The following SLC44A1 variants were observed in gnomAD, a reference collection of about 807,000 sequenced individuals.
SLC44A1 encodes solute carrier family 44 member 1.
A neutral mutation model predicts 79.3 loss-of-function variants in SLC44A1; 26 were observed. That is an observed-to-expected ratio of 0.33 (90% CI 0.24 to 0.46). The LOEUF (loss-of-function observed/expected upper bound fraction) is 0.46. Ranked by LOEUF, SLC44A1 falls within the 20% of genes least tolerant of loss-of-function variation. SLC44A1 has a pLI of 1.00. For synonymous variants in SLC44A1, 263 were observed against 286.2 expected (o/e 0.92, Z 0.82); for missense variants, 688 against 798.1 (o/e 0.86, Z 1.66).
intron 15 of SLC44A1, among the ~76,000 whole-genome samples, chr9:105,415,374 C>G (rs1409858864): frequency 6.6e-6 from 1 of 152,234 alleles, no homozygotes. Context: ...AGCCAGCAGA[C>G]AGAAATCTGC....
At chr9:105,246,627 T>G (rs1259194793) in intron 1 of SLC44A1, among the ~76,000 whole-genome samples, 1 of 152,200 alleles carries the variant, frequency 6.6e-6, no homozygotes, top group East Asian at 1.9e-4. Flanking sequence ...TCTTTAATAT[T>G]TACTTAAGTA....
intron 3 of SLC44A1, among the ~76,000 whole-genome samples, chr9:105,324,128 A>G (rs34659648): frequency 0.074 from 11,289 of 151,896 alleles, 464 homozygotes; most frequent in Middle Eastern, 0.1. Context: ...CAGCCTCCCG[A>G]GTAGCTGGGA....
chr9:105,340,943 A>C (rs149439993), intron 4 of SLC44A1, among the ~76,000 whole-genome samples: 1 of 152,234 alleles, frequency 6.6e-6, no homozygotes, highest in Middle Eastern at 3.2e-3. Context: ...AAGTATGACT[A>C]CAATAGACAG....
intron 1 of SLC44A1, among the ~76,000 whole-genome samples, chr9:105,275,417 A>T (rs1253028519): frequency 6.6e-6 from 1 of 152,160 alleles, no homozygotes; most frequent in African/African-American, 2.4e-5. Context: ...TGTTGGTCAT[A>T]TTTTGCTTTC....
chr9:105,262,697 A>G (rs1222800393), intron 1 of SLC44A1, among the ~76,000 whole-genome samples: 1 of 152,200 alleles, frequency 6.6e-6, no homozygotes, highest in Non-Finnish European at 1.5e-5. Context: ...AACTGGGCAC[A>G]GTGACCTGTT....
rs142916478 is a variant in SLC44A1, at chr9:105,406,681, G to A, written c.1950+21179G>A. Among the ~76,000 whole-genome samples the A allele has an allele frequency of 1.7e-3, 257 of 152,274 alleles. 1 individual carries two copies. Among genetic ancestry groups the A allele is most frequent in the African/African-American group, 4.4e-3 (181 of 41,556 alleles). On this transcript the variant is annotated intron_variant, in intron 15 of 15. Transcript: ENST00000374724. The stretch of plus-strand genomic sequence containing the variant: ...TCCTTGAGCCCACGAGTTCAAGGCC[G>A]CAGTGAGCTGAGATTGAGCCACTGC...
At chr9:105,290,615 A>G (rs1395149076) in intron 1 of SLC44A1, among the ~76,000 whole-genome samples, 2 of 152,274 alleles carry the variant, frequency 1.3e-5, no homozygotes, top group African/African-American at 2.4e-5. Context: ...TATGCAAGAA[A>G]GACAGTCATT....
At chr9:105,279,154 G>A (rs1384048922) in intron 1 of SLC44A1, among the ~76,000 whole-genome samples, 4 of 144,960 alleles carry the variant, frequency 2.8e-5, no homozygotes, top group African/African-American at 7.8e-5. Context: ...AGCTGAGATC[G>A]CACCACTGCA....
intron 13 of SLC44A1, among the ~76,000 whole-genome samples, chr9:105,380,889 T>C (rs891879414): frequency 7.2e-5 from 11 of 152,210 alleles, no homozygotes; most frequent in East Asian, 1.9e-4. Flanking sequence ...ATCTGCATTC[T>C]TAGCCTTTCT....
chr9:105,328,973 G>T (rs1050934503), intron 3 of SLC44A1, among the ~76,000 whole-genome samples: 2 of 152,232 alleles, frequency 1.3e-5, no homozygotes, highest in Non-Finnish European at 2.9e-5. Flanking sequence ...GGGGGCATTT[G>T]GGTCCCACCC....
chr9:105,318,995 T>C (rs1159448654), intron 3 of SLC44A1, among the ~76,000 whole-genome samples: 1 of 152,172 alleles, frequency 6.6e-6, no homozygotes, highest in Non-Finnish European at 1.5e-5. Context: ...TTACAAGCTT[T>C]AGTCATTGTT....
intron 12 of SLC44A1, 50 bp downstream of exon 12, chr9:105,366,479 A>G: frequency 3.7e-6 from 3 of 815,850 alleles, no homozygotes; most frequent in Non-Finnish European, 5.6e-6. Context: ...AGATAGGTTC[A>G]TTGTTTCTTC....
chr9:105,357,754 TAGAC>T (rs1025156930), intron 6 of SLC44A1, among the ~76,000 whole-genome samples: 1 of 152,128 alleles, frequency 6.6e-6, no homozygotes, highest in Non-Finnish European at 1.5e-5. Flanking sequence ...GTTGAGAAAT[TAGAC>T]AGAGGAAATT....
At position 105,273,203 on chromosome 9, in the gene SLC44A1, G is replaced by A. The variant is rs571299296; in HGVS notation, c.37-26017G>A. On this transcript the variant is annotated intron_variant, in intron 1 of 15. Coordinates refer to ENST00000374720, the MANE Select transcript of SLC44A1 (RefSeq NM_080546.5). ...GACAGGGTTTTGTCATGTTGGCCAG[G>A]CTCATCTCGAACTCCCGACCTCGGG... Among the ~76,000 whole-genome samples, 230 of 152,170 alleles carry A rather than the reference G, an allele frequency of 1.5e-3. 1 individual carries two copies. Among genetic ancestry groups the A allele is most frequent in the Middle Eastern group, 0.014 (4 of 294 alleles).
At chr9:105,261,267 G>A (rs1588709209) in intron 1 of SLC44A1, among the ~76,000 whole-genome samples, 1 of 152,138 alleles carries the variant, frequency 6.6e-6, no homozygotes, top group Admixed American at 6.5e-5. Context: ...ATCAGCACTG[G>A]ACGATAGATT....
intron 5 of SLC44A1, among the ~76,000 whole-genome samples, chr9:105,354,943 C>G (rs961473330): frequency 5.3e-5 from 8 of 152,210 alleles, no homozygotes; most frequent in African/African-American, 1.9e-4. Context: ...TTTATCCACT[C>G]ATTGGACCAA....
At chr9:105,302,233 C>A (rs1038084115) in intron 2 of SLC44A1, among the ~76,000 whole-genome samples, 8 of 152,076 alleles carry the variant, frequency 5.3e-5, no homozygotes, top group African/African-American at 1.9e-4. Flanking sequence ...CAAAGAATTA[C>A]TTGTAACATT....
chr9:105,343,312 G>A (rs1224759707), intron 4 of SLC44A1, among the ~76,000 whole-genome samples: 2 of 152,120 alleles, frequency 1.3e-5, no homozygotes, highest in African/African-American at 4.8e-5. Flanking sequence ...ATTTTGAGTA[G>A]AGCCATGAAG....
chr9:105,362,993 T>C lies in SLC44A1; in HGVS notation c.1073T>C (p.Phe358Ser), dbSNP rs749635231. 6 of 1,606,476 alleles carry C rather than the reference T, an allele frequency of 3.7e-6. No homozygotes were observed. Among genetic ancestry groups the C allele is most frequent in the Non-Finnish European group, 4.2e-6 (5 of 1,177,270 alleles). ...GTGTACTGGATCATGACACTTCTTTTTCTTGGCACTACCGGTAAGAAGATA... is the reference window on the plus strand; with the variant it reads ...GTGTACTGGATCATGACACTTCTTTCTCTTGGCACTACCGGTAAGAAGATA... The part of the protein sequence containing the change: ...FWVYWIMTLL[F>S]LGTTGSPVQN... The change falls in exon 9 of 16, where the codon TTT becomes TCT. Residue 358 changes from phenylalanine to serine, a missense_variant. Transcript: ENST00000374720.
Sources: allele counts gnomAD v4.1 joint callset (sites outside exome capture counted in the v4.1 genomes callset), GRCh38; gene constraint gnomAD v4.1.1; transcripts MANE v1.5; gene names NCBI Gene and HGNC (gene_info 2026-07-23, HGNC 2026-07-21).